Variants in FAM78B observed in about 807,000 individuals in gnomAD.
FAM78B encodes the protein protein FAM78B.
FAM78B carries 10 observed loss-of-function variants against 20.0 expected under a neutral mutation model. The observed-to-expected ratio is 0.50, with a 90% CI of 0.31 to 0.85. The LOEUF is 0.85. Among genes scored for constraint, FAM78B ranks in the 40% least tolerant of loss-of-function variants. The pLI is 0.05. For missense variants in FAM78B, 283 were observed against 345.0 expected (o/e 0.82, Z 1.42); for synonymous variants, 135 against 132.8 (o/e 1.02, Z -0.12).
chr1:166,119,477 G>A (rs931160893), intron 1 of FAM78B, among the ~76,000 whole-genome samples: 6 of 152,080 alleles, frequency 3.9e-5, no homozygotes, highest in East Asian at 3.9e-4. Flanking sequence ...GGCCCACATC[G>A]GGCCTCCGCT....
intron 1 of FAM78B, among the ~76,000 whole-genome samples, chr1:166,075,472 A>G (rs1281728640): frequency 6.6e-6 from 1 of 152,190 alleles, no homozygotes; most frequent in African/African-American, 2.4e-5. Context: ...TTGTGGTCTC[A>G]CTGTCCCTGA....
chr1:166,061,290 T>G (rs4657512), intron 2 of FAM78B, among the ~76,000 whole-genome samples: 150,684 of 152,312 alleles, frequency 0.99, 74,548 homozygotes, highest in East Asian at 1. Flanking sequence ...CATATGAAGA[T>G]AGTTGCTCTA....
chr1:166,122,754 T>G (rs1654507924), intron 1 of FAM78B, among the ~76,000 whole-genome samples: 1 of 152,232 alleles, frequency 6.6e-6, no homozygotes, highest in Non-Finnish European at 1.5e-5. Context: ...TTGCGAGAAT[T>G]CAATGAAATA....
At chr1:166,138,589 T>C (rs1326621356) in intron 1 of FAM78B, among the ~76,000 whole-genome samples, 2 of 152,174 alleles carry the variant, frequency 1.3e-5, no homozygotes, top group Non-Finnish European at 2.9e-5. Context: ...ATGGGATTGC[T>C]GGGCTAAAAA....
At chr1:166,115,736 C>T (rs149219483) in intron 1 of FAM78B, among the ~76,000 whole-genome samples, 175 of 152,284 alleles carry the variant, frequency 1.1e-3, no homozygotes, top group African/African-American at 4.1e-3. Flanking sequence ...AAAGGGCTTC[C>T]AGAGGAGATG....
intron 1 of FAM78B, among the ~76,000 whole-genome samples, chr1:166,117,377 T>A (rs1025904589): frequency 3.9e-5 from 6 of 152,178 alleles, no homozygotes; most frequent in Non-Finnish European, 8.8e-5. Context: ...ATTATTATTT[T>A]TTTTTGTAAG....
chr1:166,138,814 TG>T (rs1655169708), intron 1 of FAM78B, among the ~76,000 whole-genome samples: 1 of 152,280 alleles, frequency 6.6e-6, no homozygotes, highest in Non-Finnish European at 1.5e-5. Flanking sequence ...TATTCATTAC[TG>T]CATCATTATT....
At chr1:166,094,930 T>C (rs376323051) in intron 1 of FAM78B, among the ~76,000 whole-genome samples, 27 of 152,266 alleles carry the variant, frequency 1.8e-4, no homozygotes, top group Admixed American at 7.8e-4. Flanking sequence ...TTCTGCCTAG[T>C]AGATATTATT....
At chr1:166,079,860 G>T (rs1389827343) in intron 1 of FAM78B, among the ~76,000 whole-genome samples, 2 of 152,214 alleles carry the variant, frequency 1.3e-5, no homozygotes. Flanking sequence ...TTAGGGATGG[G>T]CAGAGCTGGG....
chr1:166,074,818 T>C (rs141373781), intron 1 of FAM78B, among the ~76,000 whole-genome samples: 1 of 152,338 alleles, frequency 6.6e-6, no homozygotes, highest in East Asian at 1.9e-4. Flanking sequence ...ACTCGTGCCA[T>C]CATATACCTA....
chr1:166,146,763 A>G (rs1014926772), intron 1 of FAM78B, among the ~76,000 whole-genome samples: 3 of 152,252 alleles, frequency 2.0e-5, no homozygotes, highest in Admixed American at 2.0e-4. Flanking sequence ...GGAACATCTC[A>G]GTCAACCTTT....
intron 1 of FAM78B, among the ~76,000 whole-genome samples, chr1:166,129,658 C>A (rs1654798728): frequency 6.6e-6 from 1 of 152,228 alleles, no homozygotes; most frequent in African/African-American, 2.4e-5. Context: ...TTTCTCTGAG[C>A]TCCAGAGTCA....
chr1:166,063,319 G>A (rs893416676), intron 2 of FAM78B, among the ~76,000 whole-genome samples: 1 of 152,210 alleles, frequency 6.6e-6, no homozygotes, highest in Non-Finnish European at 1.5e-5. Context: ...TGATCTTCTT[G>A]TGAAGAGAGG....
chr1:166,081,046 T>C (rs919165788), intron 1 of FAM78B: 3 of 152,226 alleles, frequency 2.0e-5, no homozygotes, highest in Non-Finnish European at 4.4e-5. Context: ...CATTCCGCAC[T>C]GTTTATATCA....
intron 1 of FAM78B, among the ~76,000 whole-genome samples, chr1:166,134,999 GA>G (rs904803929): frequency 6.6e-6 from 1 of 152,152 alleles, no homozygotes; most frequent in Non-Finnish European, 1.5e-5. Context: ...TCTTTCACCT[GA>G]AGAATTATTT....
At chr1:166,112,372 A>G (rs1654088981) in intron 1 of FAM78B, among the ~76,000 whole-genome samples, 1 of 152,200 alleles carries the variant, frequency 6.6e-6, no homozygotes. Context: ...CACCCTGTTT[A>G]TTAAAAAGTA....
At chr1:166,144,314 GC>G (rs78421525) in intron 1 of FAM78B, among the ~76,000 whole-genome samples, 4,040 of 152,196 alleles carry the variant, frequency 0.027, 226 homozygotes, top group Admixed American at 0.13. Flanking sequence ...CTAGAAATGG[GC>G]CCGATTTTCC....
At chr1:166,060,491 T>G (rs1208961173) in exon 3 of FAM78B, 14 of 740,096 alleles carry the variant, frequency 1.9e-5, no homozygotes, top group South Asian at 1.7e-4. Context: ...TAGGAGGGAC[T>G]GGTCACGGGA....
At chr1:166,075,468 T>C (rs1210728592) in intron 1 of FAM78B, among the ~76,000 whole-genome samples, 1 of 152,208 alleles carries the variant, frequency 6.6e-6, no homozygotes, top group Non-Finnish European at 1.5e-5. Flanking sequence ...AAGGTTGTGG[T>C]CTCACTGTCC....
Sources: allele counts gnomAD v4.1 joint callset (sites outside exome capture counted in the v4.1 genomes callset), GRCh38; gene constraint gnomAD v4.1.1; transcripts MANE v1.5; gene names NCBI Gene and HGNC (gene_info 2026-07-23, HGNC 2026-07-21).